The following MAP4K4 variants were observed in gnomAD, a reference collection of about 807,000 sequenced individuals.
MAP4K4 encodes mitogen-activated protein kinase kinase kinase kinase 4.
Under a neutral mutation model 189.6 loss-of-function variants are expected in MAP4K4, and 38 were observed. The observed-to-expected ratio is 0.20, with a 90% CI of 0.15 to 0.26. The LOEUF is 0.26. Ranked by LOEUF, MAP4K4 falls within the 10% of genes least tolerant of loss-of-function variation. The pLI is 1.00. For missense variants in MAP4K4, 1,054 were observed against 1,726.9 expected, an observed-to-expected ratio of 0.61 and a Z score of 6.91; for synonymous variants, 610 against 624.3, an observed-to-expected ratio of 0.98 and a Z score of 0.34.
At chr2:101,845,199 A>C (rs928580611) in intron 12 of MAP4K4, among the ~76,000 whole-genome samples, 2 of 151,664 alleles carry the variant, frequency 1.3e-5, no homozygotes, top group African/African-American at 4.8e-5. Context: ...AAAAAAAAAA[A>C]CCGAACACAC....
chr2:101,828,459 C>T (rs920920908), intron 5 of MAP4K4, among the ~76,000 whole-genome samples: 3 of 152,152 alleles, frequency 2.0e-5, no homozygotes, highest in Admixed American at 1.3e-4. Context: ...TATAATACCG[C>T]ACATCCTGTG....
At chr2:101,784,284 G>GTA (rs1553464766) in intron 2 of MAP4K4, among the ~76,000 whole-genome samples, 1,480 of 140,312 alleles carry the variant, frequency 0.011, 31 homozygotes, top group African/African-American at 0.04. Flanking sequence ...GTGTGTGTGT[G>GTA]TGTATGTGTG....
At chr2:101,836,041 A>G (rs1370716197) in intron 9 of MAP4K4, 63 bp downstream of exon 9, 20 of 1,247,990 alleles carry the variant, frequency 1.6e-5, no homozygotes, top group Non-Finnish European at 2.1e-5. Context: ...CTTTTTAGTT[A>G]TACTTTCCTC....
intron 2 of MAP4K4, 39 bp from the exon 3 acceptor site, chr2:101,790,681 A>G (rs566251147): frequency 1.3e-6 from 2 of 1,505,776 alleles, no homozygotes; most frequent in South Asian, 2.4e-5. Flanking sequence ...GTGCAAAAAA[A>G]TTGGTGCTGA....
chr2:101,863,917 C>A, exon 17 of MAP4K4: 1 of 1,367,692 alleles, frequency 7.3e-7, no homozygotes, highest in African/African-American at 1.5e-5. Context: ...TGCACACCAC[C>A]ATCTTCGTTC....
In MAP4K4 at chr2:101,755,395, CTTGT is replaced by C. The variant is rs1294741903; in HGVS notation, c.124-35322_124-35319del. 2.6e-5 allele frequency among the ~76,000 whole-genome samples: 4 copies of C among 152,238 alleles called. No homozygotes were observed. The East Asian group carries it at 5.8e-4, about 22-fold the overall frequency. On this transcript the variant is annotated intron_variant, in intron 2 of 32. Transcript: ENST00000324219. ...GGCTGGTCTTCTTGCTCCTTTCATACTTGTTTATTTCCCACCCCGAGTTCCTGAC... is the reference window on the plus strand; with the variant it reads ...GGCTGGTCTTCTTGCTCCTTTCATACTTATTTCCCACCCCGAGTTCCTGAC...
intron 2 of MAP4K4, among the ~76,000 whole-genome samples, chr2:101,787,153 A>G (rs905178172): frequency 2.0e-5 from 3 of 152,204 alleles, no homozygotes; most frequent in Admixed American, 6.5e-5. Context: ...CTCTCCATGC[A>G]CAAGTTAGGT....
chr2:101,871,276 C>T (rs917596717), intron 23 of MAP4K4, among the ~76,000 whole-genome samples: 4 of 152,258 alleles, frequency 2.6e-5, no homozygotes, highest in East Asian at 3.9e-4. Flanking sequence ...ACTCACTGCT[C>T]GAGCCGTGCA....
At chr2:101,828,317 G>A (rs1015106200) in intron 5 of MAP4K4, among the ~76,000 whole-genome samples, 2 of 152,226 alleles carry the variant, frequency 1.3e-5, no homozygotes, top group East Asian at 1.9e-4. Flanking sequence ...GAAGAATTGG[G>A]AAGTTAGCTT....
chr2:101,871,582 G>A (rs1273868698), exon 24 of MAP4K4: 1 of 1,536,192 alleles, frequency 6.5e-7, no homozygotes, highest in African/African-American at 1.4e-5. Flanking sequence ...TTACAGCAAA[G>A]CCATTCCTCC....
At chr2:101,771,998 T>G (rs1344725802) in intron 2 of MAP4K4, among the ~76,000 whole-genome samples, 1 of 152,218 alleles carries the variant, frequency 6.6e-6, no homozygotes, top group East Asian at 1.9e-4. Context: ...TCTGTGGGCC[T>G]CTGAAGTCTC....
At chr2:101,707,430 A>G (rs2042916433) in intron 2 of MAP4K4, among the ~76,000 whole-genome samples, 1 of 151,936 alleles carries the variant, frequency 6.6e-6, no homozygotes, top group South Asian at 2.1e-4. Context: ...GCTGTTATCG[A>G]ACTCCTGACC....
chr2:101,875,281 C>T (rs930820577), intron 26 of MAP4K4, among the ~76,000 whole-genome samples: 1 of 151,926 alleles, frequency 6.6e-6, no homozygotes, highest in African/African-American at 2.4e-5. Context: ...TGGCCAACCT[C>T]AAGAATAAAA....
At chr2:101,747,696 C>A (rs201341489) in intron 2 of MAP4K4, among the ~76,000 whole-genome samples, 1 of 152,138 alleles carries the variant, frequency 6.6e-6, no homozygotes, top group Non-Finnish European at 1.5e-5. Context: ...TCCCTGCCCC[C>A]CCTTCTTAGC....
intron 30 of MAP4K4, among the ~76,000 whole-genome samples, chr2:101,887,535 A>G (rs2150315632): frequency 6.6e-6 from 1 of 152,330 alleles, no homozygotes; most frequent in East Asian, 1.9e-4. Context: ...AGTGGTTCTC[A>G]ATTGGAGCCC....
At chr2:101,706,215 T>C (rs140706531) in intron 2 of MAP4K4, among the ~76,000 whole-genome samples, 15 of 152,338 alleles carry the variant, frequency 9.8e-5, no homozygotes, top group African/African-American at 3.6e-4. Flanking sequence ...TATGTACTTA[T>C]GTGGCTAGTT....
At chr2:101,777,104 A>G (rs1317145473) in intron 2 of MAP4K4, among the ~76,000 whole-genome samples, 2 of 152,162 alleles carry the variant, frequency 1.3e-5, no homozygotes. Flanking sequence ...CTTAACCCTG[A>G]GTGTGAGTTC....
intron 2 of MAP4K4, among the ~76,000 whole-genome samples, chr2:101,782,173 G>A (rs1395646026): frequency 1.3e-5 from 2 of 152,300 alleles, no homozygotes; most frequent in South Asian, 2.1e-4. Context: ...AAAAAGATGC[G>A]GTGCATAATT....
intron 2 of MAP4K4, among the ~76,000 whole-genome samples, chr2:101,751,064 T>TG (rs146312452): frequency 0.02 from 3,065 of 152,234 alleles, 112 homozygotes; most frequent in African/African-American, 0.069. Flanking sequence ...CTTGTTTCGT[T>TG]GGGGGGTGTA....
Sources: gnomAD v4.1 joint callset for allele counts (sites outside exome capture counted in the v4.1 genomes callset) on GRCh38, gnomAD v4.1.1 for gene constraint, MANE v1.5 for transcripts, NCBI Gene and HGNC (gene_info 2026-07-23, HGNC 2026-07-21) for gene names.